Variants in MYO3A observed in about 807,000 individuals in gnomAD.
MYO3A encodes the protein myosin-IIIa.
Under a neutral mutation model 192.7 loss-of-function variants are expected in MYO3A, and 180 were observed. The observed-to-expected ratio is 0.93, with a 90% confidence interval of 0.83 to 1.06. MYO3A has a LOEUF of 1.06. MYO3A is among the 50% of genes least tolerant of loss of function. The pLI is 0.00. For synonymous variants in MYO3A, 628 were observed against 645.3 expected (o/e 0.97, Z 0.41); for missense variants, 1,896 against 1,905.0 (o/e 1.00, Z 0.09).
At chr10:25,934,483 C>T (rs984788762) in intron 1 of MYO3A, among the ~76,000 whole-genome samples, 155 bp downstream of exon 1, 1 of 152,038 alleles carries the variant, frequency 6.6e-6, no homozygotes, top group Non-Finnish European at 1.5e-5. Flanking sequence ...CGCCCGCCCG[C>T]CCAGGTCAGA....
intron 11 of MYO3A, among the ~76,000 whole-genome samples, chr10:26,067,894 C>T (rs1036031692): frequency 3.3e-5 from 5 of 152,076 alleles, no homozygotes; most frequent in African/African-American, 1.2e-4. Context: ...ATGTACCAAT[C>T]AAGAGGTAAG....
intron 32 of MYO3A, among the ~76,000 whole-genome samples, chr10:26,197,241 C>T (rs1371982794): frequency 2.6e-5 from 4 of 152,104 alleles, no homozygotes; most frequent in South Asian, 2.1e-4. Context: ...TTTAAGAAAA[C>T]AAGAACTAGG....
intron 17 of MYO3A, among the ~76,000 whole-genome samples, chr10:26,097,336 T>A (rs1006097241): frequency 2.0e-4 from 31 of 152,210 alleles, no homozygotes; most frequent in African/African-American, 7.0e-4. Flanking sequence ...CATCCATTTT[T>A]GCAGCATGTA....
chr10:26,158,056 C>T (rs553413183), intron 26 of MYO3A, among the ~76,000 whole-genome samples: 3 of 152,130 alleles, frequency 2.0e-5, no homozygotes, highest in Non-Finnish European at 4.4e-5. Flanking sequence ...CTGAGAAACC[C>T]TGGCCTATAA....
intron 10 of MYO3A, among the ~76,000 whole-genome samples, chr10:26,034,111 A>G (rs1842923388): frequency 6.6e-6 from 1 of 152,192 alleles, no homozygotes; most frequent in Non-Finnish European, 1.5e-5. Flanking sequence ...TAAATTATGG[A>G]TACACCAAGG....
chr10:25,995,389 T>C (rs968324404), intron 4 of MYO3A, among the ~76,000 whole-genome samples: 3 of 152,188 alleles, frequency 2.0e-5, no homozygotes, highest in Non-Finnish European at 4.4e-5. Flanking sequence ...CATTGGTTAT[T>C]CTAGTTAGCC....
At position 26,168,815 on chromosome 10, in the gene MYO3A, C is replaced by G. The variant is rs1256511565; in HGVS notation, c.3215C>G (p.Ser1072Ter). The G allele has an allele frequency of 3.8e-5, 62 of 1,612,800 alleles. No individual in the cohort carries two copies. The highest frequency in any genetic ancestry group is 5.3e-5 in the Non-Finnish European group (62 of 1,179,676). Reference protein sequence around the residue: ...IQACVRAFLCSRRYQKIQEKR... With the variant: ...IQACVRAFLC ...GCTTGTGTCAGAGCATTCTTGTGTT[C>G]AAGAAGATACCAAAAAATACAGGAG... Residue 1072 changes from serine to a stop codon, truncating the protein, a stop_gained, in exon 28 of 35, where the codon TCA (serine) becomes TGA (stop). Transcript: ENST00000642920. LOFTEE classifies it high-confidence loss of function.
chr10:25,936,764 C>A (rs1244844418), intron 2 of MYO3A, among the ~76,000 whole-genome samples: 1 of 152,098 alleles, frequency 6.6e-6, no homozygotes, highest in Non-Finnish European at 1.5e-5. Context: ...ACTTTCTAAT[C>A]TTCAGTTTTC....
Position 25,966,939 on chromosome 10 carries a change from T to C in MYO3A, c.303+11931T>C, listed in dbSNP as rs902256455. ...GGAAAAGAGACTTAGGACTGTGACA[T>C]TGATAAAAGGAAATAAATGAGGCGA... On this transcript the variant is annotated intron_variant, in intron 4 of 34. Transcript: ENST00000642920. 7.9e-5 allele frequency among the ~76,000 whole-genome samples: 12 copies of C among 152,094 alleles called. No homozygotes were observed. The East Asian group carries it at 9.6e-4, about 12-fold the overall frequency.
intron 3 of MYO3A, among the ~76,000 whole-genome samples, chr10:25,954,480 A>G (rs1393475635): frequency 6.6e-6 from 1 of 152,236 alleles, no homozygotes; most frequent in African/African-American, 2.4e-5. Context: ...TTTTCCAAAG[A>G]AACAAAATGA....
At chr10:26,074,228 A>G (rs1283412244) in intron 14 of MYO3A, among the ~76,000 whole-genome samples, 1 of 152,158 alleles carries the variant, frequency 6.6e-6, no homozygotes, top group African/African-American at 2.4e-5. Context: ...TCAAGGTTAA[A>G]CCTAATCTCT....
chr10:26,171,348 T>C (rs776584076), intron 29 of MYO3A, among the ~76,000 whole-genome samples: 5 of 152,148 alleles, frequency 3.3e-5, no homozygotes, highest in East Asian at 1.9e-4. Context: ...AGGAATGAAA[T>C]AGAAGAAGAG....
chr10:25,959,525 A>G (rs1837788905), intron 4 of MYO3A, among the ~76,000 whole-genome samples: 1 of 152,048 alleles, frequency 6.6e-6, no homozygotes, highest in Non-Finnish European at 1.5e-5. Flanking sequence ...AATTTTGGCA[A>G]TATTGTTCAT....
intron 1 of MYO3A, 116 bp downstream of exon 1, chr10:25,934,444 G>A (rs1441350772): frequency 1.3e-5 from 2 of 152,240 alleles, no homozygotes; most frequent in African/African-American, 4.8e-5. Flanking sequence ...GGCGGGCCCG[G>A]GGCTCTCTGA....
At chr10:26,055,733 G>A (rs1432626785) in intron 10 of MYO3A, among the ~76,000 whole-genome samples, 1 of 152,180 alleles carries the variant, frequency 6.6e-6, no homozygotes, top group Non-Finnish European at 1.5e-5. Context: ...CCCTCCTCTT[G>A]TCCTTCCTAA....
chr10:26,048,352 CTTGTT>C (rs1290068801), intron 10 of MYO3A, among the ~76,000 whole-genome samples: 2 of 148,810 alleles, frequency 1.3e-5, no homozygotes, highest in Admixed American at 6.7e-5. Flanking sequence ...ATAAATACAG[CTTGTT>C]TTTTTTTTTT....
At chr10:25,959,440 T>C (rs958525363) in intron 4 of MYO3A, among the ~76,000 whole-genome samples, 1 of 152,142 alleles carries the variant, frequency 6.6e-6, no homozygotes, top group Admixed American at 6.6e-5. Flanking sequence ...GTCCACACTT[T>C]TGATTTGTTG....
chr10:26,058,210 C>A (rs1031683730), intron 10 of MYO3A, among the ~76,000 whole-genome samples: 1 of 152,132 alleles, frequency 6.6e-6, no homozygotes, highest in African/African-American at 2.4e-5. Context: ...TTTGCCTTTT[C>A]TAGAATGTGA....
Position 26,146,109 on chromosome 10 carries a change from T to C in MYO3A, c.2505+575T>C, listed in dbSNP as rs566299403. Among the ~76,000 whole-genome samples, 5 of 152,284 alleles carry C rather than the reference T, an allele frequency of 3.3e-5. No individual in the cohort carries two copies. The South Asian group carries it at 1.0e-3, about 32-fold the overall frequency. On this transcript the variant is annotated intron_variant, in intron 22 of 34. Transcript: ENST00000642920. ...CCAGATGAATGGATTATGATGCAGT[T>C]AGAGGAAGAAATGTCTCTACATTGA...
Sources: allele counts gnomAD v4.1 joint callset (sites outside exome capture counted in the v4.1 genomes callset), GRCh38; gene constraint gnomAD v4.1.1; transcripts MANE v1.5; gene names NCBI Gene and HGNC (gene_info 2026-07-23, HGNC 2026-07-21).